Variants in ARSG observed in about 807,000 individuals in gnomAD.
ARSG encodes the protein ASG.
A neutral mutation model predicts 50.5 loss-of-function variants in ARSG; 37 were observed. The ratio of observed to expected loss-of-function variants is 0.73; its 90% confidence interval spans 0.56 to 0.96. The LOEUF is 0.96. Ranked by LOEUF, ARSG falls within the 50% of genes least tolerant of loss-of-function variation. The pLI, the probability that ARSG is intolerant of heterozygous loss-of-function variation, is 0.00. For missense variants in ARSG, 629 were observed against 675.3 expected (o/e 0.93, Z 0.76); for synonymous variants, 225 against 254.6 (o/e 0.88, Z 1.11).
chr17:68,342,049 A>G (rs536248977), intron 2 of ARSG, among the ~76,000 whole-genome samples: 2 of 151,910 alleles, frequency 1.3e-5, no homozygotes, highest in South Asian at 4.2e-4. Context: ...CCAACTCCTG[A>G]CCTCAGTTGA....
intron 4 of ARSG, among the ~76,000 whole-genome samples, chr17:68,348,443 C>T (rs2078610462): frequency 6.6e-6 from 1 of 152,140 alleles, no homozygotes; most frequent in Admixed American, 6.5e-5. Context: ...GTACCTCCTA[C>T]CTATTTGCTC....
At chr17:68,342,688 C>T (rs142874819) in intron 2 of ARSG, among the ~76,000 whole-genome samples, 1 of 152,264 alleles carries the variant, frequency 6.6e-6, no homozygotes, top group African/African-American at 2.4e-5. Flanking sequence ...TTATAAGGCA[C>T]ATCAAAGCCT....
At chr17:68,396,089 A>T (rs1273054542) in intron 10 of ARSG, among the ~76,000 whole-genome samples, 1 of 150,200 alleles carries the variant, frequency 6.7e-6, no homozygotes, top group African/African-American at 2.5e-5. Flanking sequence ...GCTCACTGCA[A>T]CCTCCGCCTC....
intron 1 of ARSG, chr17:68,274,048 G>A: frequency 1.2e-6 from 2 of 1,614,094 alleles, no homozygotes; most frequent in Non-Finnish European, 1.7e-6. Flanking sequence ...CGAAACGATT[G>A]CTCAGGACTG....
intron 8 of ARSG, chr17:68,379,922 T>G: frequency 4.2e-6 from 4 of 946,472 alleles, no homozygotes; most frequent in Non-Finnish European, 5.0e-6. Flanking sequence ...CTGTCTTATA[T>G]AACTGTTCCC....
intron 1 of ARSG, chr17:68,274,005 G>T: frequency 3.7e-6 from 6 of 1,614,160 alleles, no homozygotes; most frequent in Non-Finnish European, 5.1e-6. Flanking sequence ...GTGCTGACAA[G>T]TAGCCCCCCC....
intron 6 of ARSG, among the ~76,000 whole-genome samples, chr17:68,366,627 C>T (rs2079558772): frequency 6.6e-6 from 1 of 151,942 alleles, no homozygotes; most frequent in Non-Finnish European, 1.5e-5. Flanking sequence ...CTGCTAGCCT[C>T]TAGCCACCTG....
At chr17:68,323,884 C>G (rs575133399) in intron 2 of ARSG, among the ~76,000 whole-genome samples, 1 of 152,084 alleles carries the variant, frequency 6.6e-6, no homozygotes, top group East Asian at 1.9e-4. Flanking sequence ...ACCAGCCTGG[C>G]CAACATGGCG....
chr17:68,322,025 G>A (rs565032528), intron 2 of ARSG, among the ~76,000 whole-genome samples: 10 of 152,162 alleles, frequency 6.6e-5, no homozygotes, highest in Non-Finnish European at 1.3e-4. Flanking sequence ...TGGGTACAGC[G>A]TCTCCAAAGA....
chr17:68,345,070 A>G (rs999707884), intron 3 of ARSG, among the ~76,000 whole-genome samples: 1 of 152,136 alleles, frequency 6.6e-6, no homozygotes, highest in Non-Finnish European at 1.5e-5. Flanking sequence ...CTTTCTTCCC[A>G]TACCCCAAGG....
At chr17:68,290,598 G>A (rs1226688933), upstream of ARSG, among the ~76,000 whole-genome samples, 1 of 152,268 alleles carries the variant, frequency 6.6e-6, no homozygotes, top group Non-Finnish European at 1.5e-5. Context: ...GGTCGGGGGA[G>A]GCAGGGAGCC....
Position 68,307,265 on chromosome 17 carries a change from C to T in ARSG, c.-229C>T. On this transcript the variant is annotated 5_prime_UTR_variant, in exon 2 of 12. Transcript: ENST00000621439. ...AGCCAAATGAGGGATTGCAAATTTC[C>T]TGATTCTTTTGAATTAGGATTCCAG... The T allele has an allele frequency of 1.9e-6, 1 of 525,968 alleles. No homozygotes were observed. Among genetic ancestry groups the T allele is most frequent in the Non-Finnish European group, 3.4e-6 (1 of 298,094 alleles). The allele number at this position is 525,968 out of a possible 1,614,324, so 32.6% of individuals were successfully genotyped here.
At chr17:68,412,019 C>A (rs1328479981) in intron 11 of ARSG, among the ~76,000 whole-genome samples, 1 of 152,188 alleles carries the variant, frequency 6.6e-6, no homozygotes, top group East Asian at 1.9e-4. Context: ...TGTGTCTCTG[C>A]AGGTGAGATA....
Position 68,363,646 on chromosome 17 carries a change from T to C in ARSG, c.705-4902T>C, listed in dbSNP as rs2079403616. Among the ~76,000 whole-genome samples the C allele has an allele frequency of 3.3e-5, 5 of 152,100 alleles. No individual in the cohort carries two copies. In the South Asian group the frequency reaches 1.0e-3, roughly 32 times the overall value. The stretch of plus-strand genomic sequence containing the variant: ...CCATGCCCAGCTAATTTTGTATTTT[T>C]AGTAGAGATGGGGTTTCTTCATGTT... On this transcript the variant is annotated intron_variant, in intron 6 of 11. Coordinates refer to ENST00000621439, the MANE Select transcript of ARSG (RefSeq NM_001267727.2).
chr17:68,347,584 C>T (rs1323748895), intron 4 of ARSG, among the ~76,000 whole-genome samples: 1 of 152,206 alleles, frequency 6.6e-6, no homozygotes, highest in Non-Finnish European at 1.5e-5. Context: ...GCCTCTTGGC[C>T]TCTTCCTGCA....
At chr17:68,314,299 G>T (rs2076984657) in intron 2 of ARSG, among the ~76,000 whole-genome samples, 2 of 152,020 alleles carry the variant, frequency 1.3e-5, no homozygotes, top group African/African-American at 4.8e-5. Context: ...GGCCGAGGCA[G>T]ATGGATCACC....
chr17:68,331,385 C>T (rs1160697563), intron 2 of ARSG, among the ~76,000 whole-genome samples: 2 of 151,824 alleles, frequency 1.3e-5, no homozygotes, highest in South Asian at 2.1e-4. Flanking sequence ...GCTGGGACTA[C>T]AGGCGCCCAC....
rs985612465 is a variant in ARSG at position 68,331,190 on chromosome 17, T to C, written c.219-12414T>C. ...AGCAAAGACAGGGTTTCTTTCTTTC[T>C]TTCTTTCTTTCTTTCTTTCTTTCTT... On this transcript the variant is annotated intron_variant, in intron 2 of 11. Coordinates refer to ENST00000621439, the MANE Select transcript of ARSG (RefSeq NM_001267727.2). Among the ~76,000 whole-genome samples, 25 of 38,164 alleles carry C rather than the reference T, an allele frequency of 6.6e-4. No homozygotes were observed. The Admixed American group carries it at 6.7e-3, about 10-fold the overall frequency. 25.0% of individuals were successfully genotyped at this position (38,164 alleles called of 152,430 possible).
At chr17:68,417,932 A>G (rs1039690111) in intron 11 of ARSG, among the ~76,000 whole-genome samples, 2 of 151,666 alleles carry the variant, frequency 1.3e-5, no homozygotes, top group South Asian at 2.1e-4. Flanking sequence ...GGGTTTTACC[A>G]TGTTGGCCAG....
Sources: allele counts gnomAD v4.1 joint callset (sites outside exome capture counted in the v4.1 genomes callset), GRCh38; gene constraint gnomAD v4.1.1; transcripts MANE v1.5; gene names NCBI Gene and HGNC (gene_info 2026-07-23, HGNC 2026-07-21).